The following ASPM variants were observed in gnomAD, a reference collection of about 807,000 sequenced individuals.
ASPM encodes the protein assembly factor for spindle microtubules.
In ASPM, 256 loss-of-function variants were observed where a neutral mutation model predicts 366.4. The observed-to-expected ratio is 0.70, with a 90% confidence interval of 0.63 to 0.77. The LOEUF (loss-of-function observed/expected upper bound fraction) is 0.77, where lower values mean the gene tolerates loss of function less well. Ranked by LOEUF, ASPM falls within the 30% of genes least tolerant of loss-of-function variation. The probability of loss-of-function intolerance (pLI) is 0.00; values close to 1 mark genes in which losing one functional copy is unlikely to be tolerated. For missense variants in ASPM, 4,146 were observed against 4,090.4 expected, an observed-to-expected ratio of 1.01 and a Z score of -0.37; for synonymous variants, 1,414 against 1,342.9, an observed-to-expected ratio of 1.05 and a Z score of -1.16.
intron 4 of ASPM, 28 bp downstream of exon 4, chr1:197,139,739 A>G (rs376188605): frequency 1.4e-6 from 2 of 1,481,474 alleles, no homozygotes; most frequent in Non-Finnish European, 9.4e-7. Context: ...TCATGTTTTC[A>G]GAGAGTTTAA....
intron 17 of ASPM, among the ~76,000 whole-genome samples, chr1:197,110,412 T>C (rs1014345747): frequency 1.3e-5 from 2 of 152,058 alleles, no homozygotes; most frequent in Non-Finnish European, 2.9e-5. Flanking sequence ...AGAGGAGAAC[T>C]AACACAAAAT....
At chr1:197,107,634 C>A (rs551853376) in intron 17 of ASPM, among the ~76,000 whole-genome samples, 1 of 151,960 alleles carries the variant, frequency 6.6e-6, no homozygotes, top group Non-Finnish European at 1.5e-5. Context: ...TAACTGACAA[C>A]GACTTTAGAG....
chr1:197,119,404 A>T (rs1426265921), intron 16 of ASPM, among the ~76,000 whole-genome samples: 3 of 152,186 alleles, frequency 2.0e-5, no homozygotes, highest in Non-Finnish European at 4.4e-5. Flanking sequence ...CATTTGAGAC[A>T]AAAGTTGTAA....
chr1:197,134,537 T>C (rs1304369595), intron 5 of ASPM, among the ~76,000 whole-genome samples: 4 of 152,250 alleles, frequency 2.6e-5, no homozygotes, highest in African/African-American at 9.6e-5. Context: ...GATTTGACAA[T>C]TTAAACATTC....
chr1:197,139,643 A>T, intron 4 of ASPM, 124 bp downstream of exon 4: 2 of 830,330 alleles, frequency 2.4e-6, no homozygotes, highest in Admixed American at 3.7e-5. Context: ...ATTTTAATAC[A>T]CACTTTAACA....
In ASPM at chr1:197,105,185, C is replaced by T; in HGVS notation, c.4066G>A (p.Gly1356Arg). ...CTAGTGGAATATCTTCTCCAATATC[C>T]CTGGAAAAGGTAAGAAAGGACACAA... ...VQNKAASLIQ[G>R]YWRRYSTRQR... The change falls in exon 18 of 28, where the codon GGA (glycine) becomes AGA (arginine). Residue 1356 changes from glycine to arginine, a missense_variant and splice_region_variant. By Grantham distance (125) the Gly-to-Arg change is moderately radical (BLOSUM62 -2). Around this residue, in one of 3 missense-constraint regions of ASPM, gnomAD observed 3,624 missense variants for 3,591.7 expected, o/e 1.01. Transcript: ENST00000367409. 1 of 1,600,082 alleles carries T rather than the reference C, an allele frequency of 6.2e-7. No homozygotes were observed. The highest frequency in any genetic ancestry group is 8.6e-7 in the Non-Finnish European group (1 of 1,168,854).
rs1657134234 is a variant in ASPM, at chr1:197,100,709, G to A, written c.8542C>T (p.Gln2848Ter). The A allele has an allele frequency of 1.9e-6, 3 of 1,612,290 alleles. No homozygotes were observed. Among genetic ancestry groups the A allele is most frequent in the Non-Finnish European group, 1.7e-6 (2 of 1,179,054 alleles). The part of the protein sequence containing the change: ...CAALRIQFFL[Q>*]MAVYRRRFVQ... ...AATCTTCTCCGATACACAGCCATCT[G>A]AAGGAAGAACTGAATCCGTAGGGCA... The change falls in exon 18 of 28, where the codon CAG becomes TAG. Residue 2848 changes from glutamine (Q) to a stop codon, truncating the protein, a stop_gained. Coordinates refer to ENST00000367409, the MANE Select transcript of ASPM (RefSeq NM_018136.5). LOFTEE classifies it high-confidence loss of function.
Position 197,125,169 on chromosome 1 carries a change from G to A in ASPM, c.2959C>T (p.Gln987Ter). 6.2e-7 allele frequency: 1 copy of A among 1,613,978 alleles called. No individual in the cohort carries two copies. Among genetic ancestry groups the A allele is most frequent in the Non-Finnish European group, 8.5e-7 (1 of 1,179,926 alleles). The change falls in exon 11 of 28, where the codon CAG (glutamine) becomes TAG (stop). Residue 987 changes from glutamine (Q) to a stop codon, truncating the protein, a stop_gained. Transcript: ENST00000367409. LOFTEE classifies it high-confidence loss of function. ...AGTTTCTTTGAGAGGTCCCAGTTCT[G>A]TGTGAGAAGTTCCATGGTTCGCCTG... ...RLVRTMELLT[Q>*]NWDLSKKLRI... is the part of the protein sequence containing the mutation.
intron 25 of ASPM, 139 bp from the exon 26 acceptor site, chr1:197,088,571 T>C (rs1656672914): frequency 3.1e-6 from 2 of 649,514 alleles, no homozygotes; most frequent in Non-Finnish European, 5.3e-6. Context: ...GCAAAGGACT[T>C]TGTGAAATAG....
chr1:197,101,182 CG>C lies in ASPM; in HGVS notation c.8068del (p.Arg2690GlyfsTer5). On this transcript the variant is annotated frameshift_variant, in exon 18 of 28. Coordinates refer to ENST00000367409, the MANE Select transcript of ASPM (RefSeq NM_018136.5). LOFTEE classifies it high-confidence loss of function. ...GAATGACTGAATTAGTGTGGCAGCCCGGTGCATATTTTGAATATCCTTTCGT... is the reference window on the plus strand; with the variant it reads ...GAATGACTGAATTAGTGTGGCAGCCCGTGCATATTTTGAATATCCTTTCGT... ...KVRKDIQNMH[R>X]AATLIQSFYR... 6.2e-7 allele frequency: 1 copy of C among 1,612,308 alleles called. No homozygotes were observed. The highest frequency in any genetic ancestry group is 8.5e-7 in the Non-Finnish European group (1 of 1,179,078).
In ASPM at chr1:197,122,467, T is replaced by C. The variant is rs568559471; in HGVS notation, c.3519A>G (p.Gln1173=). The C allele has an allele frequency of 6.2e-6, 10 of 1,613,862 alleles. No homozygotes were observed. The highest frequency in any genetic ancestry group is 3.3e-5 in the Admixed American group (2 of 59,962). The change falls in exon 14 of 28, where the codon CAA becomes CAG. Residue 1173 remains glutamine (Q), a synonymous_variant. Transcript: ENST00000367409. ...ATGAATTTAATACCACTGAACCAGT[T>C]TGCGTACATTCCACAGTTTGAGTAG... ...QRTTQTVECT[Q]TGSVVLNSSS... is the part of the protein sequence containing the mutation.
rs1553225179 is a variant in ASPM, at chr1:197,117,879, A to AT, written c.3974dup (p.Tyr1325Ter). The change falls in exon 17 of 28, where the codon TAT becomes TAAT. Residue 1325 changes from tyrosine to a stop codon, truncating the protein, a stop_gained and frameshift_variant. Transcript: ENST00000367409. LOFTEE classifies it high-confidence loss of function. Reference sequence around the variant, plus strand: ...TTCTCTGTGCTAAGACTCTTCGCCAATATTTCTGAATGACGAGTGCTGCAT... The same window carrying AT: ...TTCTCTGTGCTAAGACTCTTCGCCAATTATTTCTGAATGACGAGTGCTGCAT... ...RVNAALVIQKYWRRVLAQRKL... is the reference protein window; with the variant it reads ...RVNAALVIQK 1 of 1,613,552 alleles carries AT rather than the reference A, an allele frequency of 6.2e-7. No homozygotes were observed.
intron 16 of ASPM, among the ~76,000 whole-genome samples, chr1:197,119,630 G>T (rs1354250692): frequency 6.6e-6 from 1 of 151,944 alleles, no homozygotes; most frequent in Non-Finnish European, 1.5e-5. Context: ...TATGGTCATT[G>T]ACCCTTTTTA....
chr1:197,084,459 T>A, intron 27 of ASPM, 33 bp from the exon 28 acceptor site: 72 of 1,442,584 alleles, frequency 5.0e-5, no homozygotes, highest in Non-Finnish European at 6.1e-5. Context: ...CTGGCATTAA[T>A]AAAGTTCTTC....
chr1:197,100,839 A>G lies in ASPM; in HGVS notation c.8412T>C (p.Ala2804=). 1 of 1,612,652 alleles carries G rather than the reference A, an allele frequency of 6.2e-7. No homozygotes were observed. Among genetic ancestry groups the G allele is most frequent in the Non-Finnish European group, 8.5e-7 (1 of 1,179,136 alleles). ...IQEWYKASGL[A]CSQEAEYHSQ... ...AATGATACTCTGCTTCCTGTGAACA[A>G]GCAAGGCCAGAAGCTTTATACCACT... is the stretch of plus-strand genomic sequence containing the variant. Residue 2804 remains alanine, a synonymous_variant, in exon 18 of 28, where the codon GCT becomes GCC. Transcript: ENST00000367409.
At chr1:197,142,213 T>G in intron 3 of ASPM, 118 bp downstream of exon 3, 1 of 1,115,832 alleles carries the variant, frequency 9.0e-7, no homozygotes. Context: ...GCTAAGGAAA[T>G]GTACCCAGCA....
At position 197,124,166 on chromosome 1, in the gene ASPM, T is replaced by A; in HGVS notation, c.3334A>T (p.Asn1112Tyr). ...ACCCAATCCATCAATAACTTTATGT[T>A]TTCACTATATTGTTCAAAGGAACCA... ...DSGSFEQYSE[N>Y]IKLLMDWVNA... is the part of the protein sequence containing the mutation. The change falls in exon 13 of 28, where the codon AAC becomes TAC. Residue 1112 changes from asparagine to tyrosine, a missense_variant. By Grantham distance (143) the Asn-to-Tyr change is moderately radical. Around this residue, in one of 3 missense-constraint regions of ASPM, gnomAD observed 3,624 missense variants for 3,591.7 expected, o/e 1.01. Coordinates refer to ENST00000367409, the MANE Select transcript of ASPM (RefSeq NM_018136.5). 6.2e-7 allele frequency: 1 copy of A among 1,612,818 alleles called. No homozygotes were observed. The highest frequency in any genetic ancestry group is 1.3e-5 in the African/African-American group (1 of 75,014).
chr1:197,093,950 A>T (rs1168782030), intron 20 of ASPM, 134 bp downstream of exon 20: 4 of 599,552 alleles, frequency 6.7e-6, no homozygotes, highest in Admixed American at 3.1e-5. Flanking sequence ...TGTGAAATAA[A>T]TGCATACTTA....
intron 10 of ASPM, among the ~76,000 whole-genome samples, chr1:197,125,519 A>ATGTAGAG (rs1428596056): frequency 2.0e-5 from 3 of 152,112 alleles, no homozygotes; most frequent in African/African-American, 7.2e-5. Flanking sequence ...TAGAGCAGAG[A>ATGTAGAG]GGAAGCACAT....
Sources: allele counts gnomAD v4.1 joint callset (sites outside exome capture counted in the v4.1 genomes callset), GRCh38; gene constraint gnomAD v4.1.1; regional missense constraint gnomAD v4.1.1; transcripts MANE v1.5; gene names NCBI Gene and HGNC (gene_info 2026-07-23, HGNC 2026-07-21).